SLMAP: variants seen among roughly 807,000 people sequenced by gnomAD.
SLMAP encodes the protein sarcolemmal membrane-associated protein.
In SLMAP, 44 loss-of-function variants were observed where a neutral mutation model predicts 128.8. That is an observed-to-expected ratio of 0.34 (90% CI 0.27 to 0.44). The LOEUF (loss-of-function observed/expected upper bound fraction) is 0.44, where lower values mean the gene tolerates loss of function less well. Among genes scored for constraint, SLMAP ranks in the 20% least tolerant of loss-of-function variants. The pLI, the probability that SLMAP is intolerant of heterozygous loss-of-function variation, is 1.00. For missense variants in SLMAP, 787 were observed against 985.3 expected, an observed-to-expected ratio of 0.80 and a Z score of 2.69; for synonymous variants, 327 against 348.8, an observed-to-expected ratio of 0.94 and a Z score of 0.70.
rs373821884 is a variant in SLMAP at position 57,776,138 on chromosome 3, CACTT to C, written c.198+18291_198+18294del. Among the ~76,000 whole-genome samples the C allele has an allele frequency of 1.4e-3, 208 of 152,312 alleles. 1 individual carries two copies. The highest frequency in any genetic ancestry group is 4.4e-3 in the African/African-American group (181 of 41,566). The stretch of plus-strand genomic sequence containing the variant: ...AGTAGCAGTTAGTTGTTATTCCACT[CACTT>C]AAGCTTTCTTTATTTTTGAACTTTG... On this transcript the variant is annotated intron_variant, in intron 2 of 24. Transcript: ENST00000671191.
At chr3:57,858,299 C>A in intron 8 of SLMAP, 140 bp downstream of exon 8, 1 of 613,874 alleles carries the variant, frequency 1.6e-6, no homozygotes, top group African/African-American at 1.8e-5. Flanking sequence ...TGAGAAACGT[C>A]AGACATCCAT....
intron 23 of SLMAP, among the ~76,000 whole-genome samples, chr3:57,923,937 G>T (rs1380022439): frequency 6.6e-6 from 1 of 152,234 alleles, no homozygotes; most frequent in Admixed American, 6.5e-5. Flanking sequence ...CCTTTTAGAA[G>T]TTGATGAACT....
intron 2 of SLMAP, among the ~76,000 whole-genome samples, chr3:57,822,760 A>G (rs1477735438): frequency 6.6e-6 from 1 of 152,148 alleles, no homozygotes; most frequent in Non-Finnish European, 1.5e-5. Context: ...TTCAACCCCC[A>G]CAAGCTGAAA....
rs181210503 is a variant in SLMAP, at chr3:57,864,514, T to C, written c.967-34T>C. On this transcript the variant is annotated intron_variant, in intron 10 of 24. Transcript: ENST00000671191. ...GGCTCGCTCTTAAAACAGAGTTAGG[T>C]TTGTTAAATAACTGAATTTTCTTAT... 3.8e-5 allele frequency: 56 copies of C among 1,481,376 alleles called. No individual in the cohort carries two copies. In the African/African-American group the frequency reaches 7.6e-4, roughly 20 times the overall value. The allele number at this position is 1,481,376 out of a possible 1,614,324, so 91.8% of individuals were successfully genotyped here. A position where few individuals can be genotyped will look rare whatever the true frequency, so the allele number is the denominator to read the frequency against.
At chr3:57,876,629 A>G (rs950147699) in intron 14 of SLMAP, among the ~76,000 whole-genome samples, 9 of 152,232 alleles carry the variant, frequency 5.9e-5, no homozygotes, top group Non-Finnish European at 1.0e-4. Flanking sequence ...TTAGTTACTT[A>G]AAGTTTACCG....
chr3:57,912,890 C>T lies in SLMAP; in HGVS notation c.2020+189C>T, dbSNP rs111243962. Among the ~76,000 whole-genome samples, 492 of 151,734 alleles carry T rather than the reference C, an allele frequency of 3.2e-3. 3 individuals carry two copies. The highest frequency in any genetic ancestry group is 0.011 in the African/African-American group (469 of 41,356). On this transcript the variant is annotated intron_variant, in intron 20 of 24. Coordinates refer to ENST00000671191, the MANE Select transcript of SLMAP (RefSeq NM_001377540.1). ...TTCTACTTAAATTTATATTTTTTTA[C>T]GGTTTTATATTTTATTTTAAAATTG...
chr3:57,870,650 C>G (rs572266864), intron 13 of SLMAP, among the ~76,000 whole-genome samples: 2 of 152,256 alleles, frequency 1.3e-5, no homozygotes, highest in South Asian at 4.1e-4. Context: ...GTGTCTGCCT[C>G]TCATGCAAAG....
At chr3:57,775,588 C>T (rs996022276) in intron 2 of SLMAP, among the ~76,000 whole-genome samples, 7 of 146,312 alleles carry the variant, frequency 4.8e-5, no homozygotes, top group Non-Finnish European at 1.0e-4. Context: ...TTGAGGGAGG[C>T]TGAGTGCAGA....
Position 57,885,135 on chromosome 3 carries a change from C to T in SLMAP, c.1301-4906C>T, listed in dbSNP as rs371153272. Among the ~76,000 whole-genome samples the T allele has an allele frequency of 1.7e-4, 26 of 150,352 alleles. No individual in the cohort carries two copies. In the South Asian group the frequency reaches 5.2e-3, roughly 30 times the overall value. Reference sequence around the variant, plus strand: ...TTGCCCAGGCTGGAGTGCAATGGCACAGTCTCGGCTCACCACAACCTCCAC... The same window carrying T: ...TTGCCCAGGCTGGAGTGCAATGGCATAGTCTCGGCTCACCACAACCTCCAC... On this transcript the variant is annotated intron_variant, in intron 14 of 24. Transcript: ENST00000671191.
chr3:57,792,724 T>G (rs1187046392), intron 2 of SLMAP, among the ~76,000 whole-genome samples: 1 of 152,180 alleles, frequency 6.6e-6, no homozygotes, highest in Non-Finnish European at 1.5e-5. Flanking sequence ...GTAAAAAATA[T>G]GGGAAATGTA....
At chr3:57,869,630 T>TATATATATATATATA (rs2095420048) in intron 13 of SLMAP, among the ~76,000 whole-genome samples, 2 of 75,474 alleles carry the variant, frequency 2.6e-5, no homozygotes, top group South Asian at 4.6e-4. Context: ...CCCATCTCTA[T>TATATATATATATATA]TATATATATA....
intron 2 of SLMAP, among the ~76,000 whole-genome samples, chr3:57,826,584 C>G (rs759826416): frequency 1.3e-5 from 2 of 152,282 alleles, no homozygotes; most frequent in Non-Finnish European, 2.9e-5. Context: ...TCTCTATTGT[C>G]CCTGTTCTGC....
chr3:57,798,693 G>A (rs1176980009), intron 2 of SLMAP, among the ~76,000 whole-genome samples: 2 of 152,208 alleles, frequency 1.3e-5, no homozygotes, highest in African/African-American at 2.4e-5. Flanking sequence ...ATCCCAGAAA[G>A]AGAAATGTAG....
intron 2 of SLMAP, among the ~76,000 whole-genome samples, chr3:57,812,605 A>G (rs1477644347): frequency 1.3e-5 from 2 of 152,284 alleles, no homozygotes; most frequent in East Asian, 3.9e-4. Context: ...TGCAAAAAAC[A>G]TCACTGGAAT....
At chr3:57,883,079 A>G (rs991560184) in intron 14 of SLMAP, among the ~76,000 whole-genome samples, 1 of 152,186 alleles carries the variant, frequency 6.6e-6, no homozygotes, top group Non-Finnish European at 1.5e-5. Context: ...TGCCTGGTGC[A>G]TAGTAAATAT....
chr3:57,791,441 T>C (rs889656798), intron 2 of SLMAP, among the ~76,000 whole-genome samples: 3 of 152,180 alleles, frequency 2.0e-5, no homozygotes, highest in African/African-American at 4.8e-5. Flanking sequence ...ATGTTTTCTA[T>C]TGTAAAGCAT....
chr3:57,922,719 G>C (rs923728876), intron 22 of SLMAP, among the ~76,000 whole-genome samples, 170 bp from the exon 23 acceptor site: 1 of 152,202 alleles, frequency 6.6e-6, no homozygotes, highest in South Asian at 2.1e-4. Flanking sequence ...GAGCCACTGC[G>C]CCCGGCCAAA....
chr3:57,913,513 T>A (rs777040740), intron 21 of SLMAP, among the ~76,000 whole-genome samples: 17 of 152,150 alleles, frequency 1.1e-4, no homozygotes, highest in African/African-American at 3.4e-4. Context: ...ATTCATTAAA[T>A]GTCCCAAAGA....
chr3:57,852,354 CAT>C (rs2094538866), intron 6 of SLMAP, among the ~76,000 whole-genome samples: 1 of 152,170 alleles, frequency 6.6e-6, no homozygotes, highest in Non-Finnish European at 1.5e-5. Context: ...CATAGAAAAA[CAT>C]TACACATTTG....
Sources: gnomAD v4.1 joint callset for allele counts (sites outside exome capture counted in the v4.1 genomes callset) on GRCh38, gnomAD v4.1.1 for gene constraint, MANE v1.5 for transcripts, NCBI Gene and HGNC (gene_info 2026-07-23, HGNC 2026-07-21) for gene names.